Variants in PMFBP1 observed in about 807,000 individuals in gnomAD.
PMFBP1 encodes polyamine-modulated factor 1-binding protein 1.
A neutral mutation model predicts 137.8 loss-of-function variants in PMFBP1; 131 were observed. The ratio of observed to expected loss-of-function variants is 0.95; its 90% CI spans 0.82 to 1.10. PMFBP1 has a LOEUF of 1.10. Ranked by LOEUF, PMFBP1 falls within the 50% of genes least tolerant of loss-of-function variation. The pLI is 0.00. For synonymous variants in PMFBP1, 490 were observed against 450.4 expected (o/e 1.09, Z -1.11); for missense variants, 1,199 against 1,175.4 (o/e 1.02, Z -0.29).
intron 3 of PMFBP1, among the ~76,000 whole-genome samples, chr16:72,159,672 T>C (rs892604603): frequency 5.9e-5 from 9 of 152,254 alleles, no homozygotes; most frequent in Non-Finnish European, 1.2e-4. Context: ...TTTCTACTTA[T>C]TTATCCTTCT....
intron 5 of PMFBP1, among the ~76,000 whole-genome samples, chr16:72,142,944 GA>G (rs1387158654): frequency 1.1e-4 from 17 of 151,668 alleles, no homozygotes; most frequent in South Asian, 2.1e-4. Context: ...GAAAATAGAT[GA>G]AAAAAAATTA....
chr16:72,241,545 G>T, the PMFBP1 span, among the ~76,000 whole-genome samples: 1 of 152,180 alleles, frequency 6.6e-6, no homozygotes, highest in African/African-American at 2.4e-5. Flanking sequence ...AAGAATATTT[G>T]ATTGGCCTTT....
the PMFBP1 span, among the ~76,000 whole-genome samples, chr16:72,220,381 A>G: frequency 6.6e-6 from 1 of 152,230 alleles, no homozygotes; most frequent in Non-Finnish European, 1.5e-5. Flanking sequence ...ATGTTATCTA[A>G]TGTTATAATG....
At chr16:72,247,140 A>C in the PMFBP1 span, among the ~76,000 whole-genome samples, 1 of 152,240 alleles carries the variant, frequency 6.6e-6, no homozygotes, top group South Asian at 2.1e-4. Context: ...TAATTTAGTT[A>C]ACTGAATAAT....
the PMFBP1 span, among the ~76,000 whole-genome samples, chr16:72,225,752 A>ATAG: frequency 6.7e-6 from 1 of 148,612 alleles, no homozygotes; most frequent in Non-Finnish European, 1.5e-5. Flanking sequence ...AATAATAATA[A>ATAG]AGCCTCACAA....
At chr16:72,139,500 T>G (rs981132722) in intron 6 of PMFBP1, 101 bp from the exon 7 acceptor site, 1 of 950,222 alleles carries the variant, frequency 1.1e-6, no homozygotes, top group Non-Finnish European at 1.7e-6. Context: ...ATAAGTTTGT[T>G]GCAGAATTAT....
chr16:72,245,448 T>C, the PMFBP1 span, among the ~76,000 whole-genome samples: 1 of 152,196 alleles, frequency 6.6e-6, no homozygotes, highest in African/African-American at 2.4e-5. Flanking sequence ...ACAGAGCCCA[T>C]GCTCTTAAAC....
At position 72,129,339 on chromosome 16, in the gene PMFBP1, C is replaced by A. The variant is rs746083323; in HGVS notation, c.1783-106G>T. ...GGCATGGCTGAGATGAAGAAGAAGA[C>A]AATTCCTTAGTTATATAGCATATGT... On this transcript the variant is annotated intron_variant, in intron 12 of 20. Coordinates refer to ENST00000237353, the MANE Select transcript of PMFBP1 (RefSeq NM_031293.3). The A allele has an allele frequency of 7.3e-5, 95 of 1,307,550 alleles. No individual in the cohort carries two copies. Among genetic ancestry groups the A allele is most frequent in the Middle Eastern group, 5.7e-4 (3 of 5,240 alleles). 81.0% of individuals were successfully genotyped at this position (1,307,550 alleles called of 1,614,324 possible).
At chr16:72,119,590 C>G in intron 20 of PMFBP1, 2 of 1,443,468 alleles carry the variant, frequency 1.4e-6, no homozygotes. Context: ...CTACCTGTTC[C>G]CTAAAATGGG....
chr16:72,165,751 G>T (rs1293342980), intron 2 of PMFBP1, among the ~76,000 whole-genome samples: 2 of 152,128 alleles, frequency 1.3e-5, no homozygotes, highest in African/African-American at 4.8e-5. Flanking sequence ...CATTCACAAT[G>T]GGAACAAAAG....
chr16:72,248,300 C>G, the PMFBP1 span, among the ~76,000 whole-genome samples: 1 of 152,142 alleles, frequency 6.6e-6, no homozygotes, highest in African/African-American at 2.4e-5. Context: ...ATCAGTGTTC[C>G]AGTAAGTTCT....
At chr16:72,221,638 C>T in the PMFBP1 span, among the ~76,000 whole-genome samples, 101 of 152,146 alleles carry the variant, frequency 6.6e-4, no homozygotes, top group African/African-American at 2.3e-3. Flanking sequence ...TACCTACTCT[C>T]GGGAAGGATG....
the PMFBP1 span, among the ~76,000 whole-genome samples, chr16:72,183,140 A>T: frequency 1.3e-5 from 2 of 152,172 alleles, no homozygotes; most frequent in Non-Finnish European, 2.9e-5. Flanking sequence ...TAGCTTCCTT[A>T]TACCATGGTC....
At chr16:72,192,739 T>G in the PMFBP1 span, among the ~76,000 whole-genome samples, 1 of 151,582 alleles carries the variant, frequency 6.6e-6, no homozygotes, top group Admixed American at 6.6e-5. Flanking sequence ...CCGTCTCTAC[T>G]AAAATACAAA....
chr16:72,122,403 T>G (rs1032715598), intron 19 of PMFBP1, among the ~76,000 whole-genome samples: 1 of 152,214 alleles, frequency 6.6e-6, no homozygotes, highest in Non-Finnish European at 1.5e-5. Flanking sequence ...ATTCTCAAAC[T>G]GGTAACACTC....
the PMFBP1 span, among the ~76,000 whole-genome samples, chr16:72,232,196 C>T: frequency 2.6e-5 from 4 of 152,186 alleles, no homozygotes; most frequent in Admixed American, 1.3e-4. Context: ...CCATGCCTTT[C>T]AGATCTCAAT....
At position 72,128,753 on chromosome 16, in the gene PMFBP1, A is replaced by T. The variant is rs2042501577; in HGVS notation, c.1992T>A (p.Asn664Lys). The change falls in exon 14 of 21, where the codon AAT becomes AAA. Residue 664 changes from asparagine (N) to lysine (K), a missense_variant. By Grantham distance (94) the Asn-to-Lys change is moderately conservative. Coordinates refer to ENST00000237353, the MANE Select transcript of PMFBP1 (RefSeq NM_031293.3). ...NSRKLEEENENLRAELQCCST... is the reference protein window; with the variant it reads ...NSRKLEEENEKLRAELQCCST... ...AACAACACTGTAGCTCTGCTCGGAG[A>T]TTCTCATTTTCTTCCTCCAACTTTC... is the stretch of plus-strand genomic sequence containing the variant. The T allele has an allele frequency of 5.6e-6, 9 of 1,613,940 alleles. No homozygotes were observed. Among genetic ancestry groups the T allele is most frequent in the Non-Finnish European group, 7.6e-6 (9 of 1,179,982 alleles).
At chr16:72,195,017 T>C in the PMFBP1 span, among the ~76,000 whole-genome samples, 11 of 152,326 alleles carry the variant, frequency 7.2e-5, no homozygotes, top group Admixed American at 7.2e-4. Flanking sequence ...CAGGTAAATA[T>C]GTGATTTGAG....
At chr16:72,181,382 CTTTTA>C (rs1289978123), upstream of PMFBP1, among the ~76,000 whole-genome samples, 1 of 152,082 alleles carries the variant, frequency 6.6e-6, no homozygotes, top group Non-Finnish European at 1.5e-5. Flanking sequence ...TCTTTTACCT[CTTTTA>C]TTTTTACTTT....
Sources: gnomAD v4.1 joint callset for allele counts (sites outside exome capture counted in the v4.1 genomes callset) on GRCh38, gnomAD v4.1.1 for gene constraint, MANE v1.5 for transcripts, NCBI Gene and HGNC (gene_info 2026-07-23, HGNC 2026-07-21) for gene names.